Variants in NKAIN2 observed in about 807,000 individuals in gnomAD.
NKAIN2 encodes the protein sodium/potassium transporting ATPase interacting 2, also known as sodium/potassium-transporting ATPase subunit beta-1-interacting protein 2.
A neutral mutation model predicts 32.6 loss-of-function variants in NKAIN2; 14 were observed. The observed-to-expected ratio is 0.43, with a 90% CI of 0.28 to 0.67. NKAIN2 has a LOEUF of 0.67. Among genes scored for constraint, NKAIN2 ranks in the 30% least tolerant of loss-of-function variants. The pLI is 0.17. For synonymous variants in NKAIN2, 80 were observed against 87.2 expected, an observed-to-expected ratio of 0.92 and a Z score of 0.46; for missense variants, 198 against 258.3, an observed-to-expected ratio of 0.77 and a Z score of 1.60.
chr6:124,569,070 T>C (rs1039335014), intron 3 of NKAIN2, among the ~76,000 whole-genome samples: 2 of 152,166 alleles, frequency 1.3e-5, no homozygotes, highest in Non-Finnish European at 2.9e-5. Flanking sequence ...TCCCACTTAT[T>C]TGATAATCCA....
chr6:123,841,697 G>A (rs1327880196), intron 1 of NKAIN2, among the ~76,000 whole-genome samples: 1 of 152,166 alleles, frequency 6.6e-6, no homozygotes, highest in Non-Finnish European at 1.5e-5. Context: ...AACAGCTGCT[G>A]AGTCGGCCCT....
In NKAIN2 at chr6:123,899,487, C is replaced by T. The variant is rs369482345; in HGVS notation, c.54+95233C>T. On this transcript the variant is annotated intron_variant, in intron 1 of 6. Coordinates refer to ENST00000368417, the MANE Select transcript of NKAIN2 (RefSeq NM_001040214.3). The stretch of plus-strand genomic sequence containing the variant: ...GTCCCTGGGATGCTATTTATTTTAA[C>T]TTAGGATTGATAATTTACCTCACAA... Among the ~76,000 whole-genome samples, 43 of 152,240 alleles carry T rather than the reference C, an allele frequency of 2.8e-4. No homozygotes were observed. In the East Asian group the frequency reaches 7.1e-3, roughly 25 times the overall value.
At chr6:124,621,683 C>T (rs972488856) in intron 3 of NKAIN2, among the ~76,000 whole-genome samples, 2 of 152,122 alleles carry the variant, frequency 1.3e-5, no homozygotes, top group African/African-American at 4.8e-5. Flanking sequence ...CACCTTTTAA[C>T]GCCTCCAAGG....
At chr6:124,620,961 A>AAAG (rs1783083344) in intron 3 of NKAIN2, among the ~76,000 whole-genome samples, 1 of 152,220 alleles carries the variant, frequency 6.6e-6, no homozygotes, top group Non-Finnish European at 1.5e-5. Flanking sequence ...GTTGCTATTT[A>AAAG]AAGTAAAAGT....
At chr6:124,107,610 A>G (rs1252307060) in intron 1 of NKAIN2, among the ~76,000 whole-genome samples, 2 of 152,164 alleles carry the variant, frequency 1.3e-5, no homozygotes, top group East Asian at 1.9e-4. Context: ...GTTGTTAACT[A>G]TAGGCACAAC....
intron 3 of NKAIN2, among the ~76,000 whole-genome samples, chr6:124,491,755 T>C (rs1337313758): frequency 6.6e-5 from 10 of 151,958 alleles, no homozygotes; most frequent in African/African-American, 2.4e-5. Context: ...GAAAATGTTC[T>C]CAATTCCAAA....
chr6:124,725,247 C>G (rs1424739273), intron 4 of NKAIN2, among the ~76,000 whole-genome samples: 1 of 152,090 alleles, frequency 6.6e-6, no homozygotes, highest in East Asian at 1.9e-4. Flanking sequence ...TTTCTTTTGG[C>G]CATTTTTTTT....
chr6:124,742,321 A>C (rs924684296), intron 4 of NKAIN2, among the ~76,000 whole-genome samples: 3 of 151,866 alleles, frequency 2.0e-5, no homozygotes, highest in Admixed American at 6.6e-5. Context: ...GGGCCTGAAT[A>C]GAACAAAAGG....
chr6:124,662,324 A>G (rs1164083906), intron 4 of NKAIN2, among the ~76,000 whole-genome samples: 1 of 150,738 alleles, frequency 6.6e-6, no homozygotes, highest in African/African-American at 2.4e-5. Flanking sequence ...TATATATGTA[A>G]GCTTTCTGTT....
At chr6:124,785,729 C>A (rs1779469904) in intron 4 of NKAIN2, among the ~76,000 whole-genome samples, 1 of 152,150 alleles carries the variant, frequency 6.6e-6, no homozygotes, top group South Asian at 2.1e-4. Flanking sequence ...CTGGCAAGAG[C>A]CTTATTACTG....
At chr6:124,730,398 TA>T (rs1416699845) in intron 4 of NKAIN2, among the ~76,000 whole-genome samples, 2 of 96,532 alleles carry the variant, frequency 2.1e-5, no homozygotes, top group African/African-American at 8.1e-5. Flanking sequence ...CCCTCAGAAA[TA>T]ACGCCGCATA....
At chr6:124,244,820 G>A (rs960971647) in intron 1 of NKAIN2, among the ~76,000 whole-genome samples, 24 of 152,068 alleles carry the variant, frequency 1.6e-4, no homozygotes, top group African/African-American at 5.1e-4. Flanking sequence ...GATAATATAT[G>A]TAGTAAATTT....
At chr6:123,852,674 G>C (rs1429818190) in intron 1 of NKAIN2, among the ~76,000 whole-genome samples, 6 of 152,136 alleles carry the variant, frequency 3.9e-5, no homozygotes, top group Non-Finnish European at 7.4e-5. Context: ...CCTTTAAAAA[G>C]AAGGAAATCC....
intron 1 of NKAIN2, among the ~76,000 whole-genome samples, chr6:123,968,349 T>G (rs1384476916): frequency 9.2e-5 from 14 of 152,200 alleles, no homozygotes; most frequent in African/African-American, 3.1e-4. Context: ...GTGGTCCAGA[T>G]GATTCCATCT....
chr6:124,325,833 T>C (rs1388119118), intron 2 of NKAIN2, among the ~76,000 whole-genome samples: 1 of 152,124 alleles, frequency 6.6e-6, no homozygotes, highest in African/African-American at 2.4e-5. Flanking sequence ...CCTTAAAATT[T>C]ATGCATTTTA....
intron 1 of NKAIN2, among the ~76,000 whole-genome samples, chr6:123,974,032 GAAAAT>G (rs1426838431): frequency 6.6e-6 from 1 of 152,094 alleles, no homozygotes; most frequent in Non-Finnish European, 1.5e-5. Context: ...AAAGAAAAGT[GAAAAT>G]AAAAGTGCTT....
intron 1 of NKAIN2, among the ~76,000 whole-genome samples, chr6:123,844,474 C>T (rs951588833): frequency 1.1e-4 from 17 of 152,176 alleles, no homozygotes; most frequent in African/African-American, 4.1e-4. Flanking sequence ...TAAATAGCAT[C>T]CCCTTTAACC....
At chr6:124,091,020 G>A (rs2114927642) in intron 1 of NKAIN2, among the ~76,000 whole-genome samples, 1 of 151,940 alleles carries the variant, frequency 6.6e-6, no homozygotes, top group Middle Eastern at 3.4e-3. Context: ...ACTTAATAAT[G>A]TATTACATTT....
chr6:124,438,685 A>C (rs1775564251), intron 3 of NKAIN2, among the ~76,000 whole-genome samples: 1 of 152,128 alleles, frequency 6.6e-6, no homozygotes, highest in South Asian at 2.1e-4. Flanking sequence ...CCTTTCCAGC[A>C]AACAGCTCTT....
Sources: allele counts gnomAD v4.1 joint callset (sites outside exome capture counted in the v4.1 genomes callset), GRCh38; gene constraint gnomAD v4.1.1; transcripts MANE v1.5; gene names NCBI Gene and HGNC (gene_info 2026-07-23, HGNC 2026-07-21).